SRCAP: variants seen among roughly 807,000 people sequenced by gnomAD.
SRCAP encodes the protein chromatin remodeling protein SRCAP.
Under a neutral mutation model 263.1 loss-of-function variants are expected in SRCAP, and 46 were observed. The ratio of observed to expected loss-of-function variants is 0.17; its 90% CI spans 0.14 to 0.22. The LOEUF is 0.22. Ranked by LOEUF, SRCAP falls within the 10% of genes least tolerant of loss-of-function variation. The probability of loss-of-function intolerance (pLI) is 1.00; values close to 1 mark genes in which losing one functional copy is unlikely to be tolerated. For missense variants in SRCAP, 3,695 were observed against 4,181.9 expected, an observed-to-expected ratio of 0.88 and a Z score of 3.21; for synonymous variants, 1,813 against 1,662.1, an observed-to-expected ratio of 1.09 and a Z score of -2.21.
intron 25 of SRCAP, among the ~76,000 whole-genome samples, chr16:30,726,986 G>A (rs1160563933): frequency 1.3e-5 from 2 of 152,306 alleles, no homozygotes; most frequent in East Asian, 3.9e-4. Flanking sequence ...ATAGACATGA[G>A]CCACTGCACC....
chr16:30,713,073 G>A, intron 14 of SRCAP, 135 bp from the exon 15 acceptor site: 1 of 1,079,542 alleles, frequency 9.3e-7, no homozygotes, highest in East Asian at 2.4e-5. Context: ...TCCTCTTTCT[G>A]TCGCTCCATT....
At chr16:30,712,644 A>G in intron 13 of SRCAP, 35 bp from the exon 14 acceptor site, 2 of 1,613,328 alleles carry the variant, frequency 1.2e-6, no homozygotes, top group Non-Finnish European at 1.7e-6. Context: ...CAGAATTTAC[A>G]TTTCCTTACC....
Position 30,710,744 on chromosome 16 carries a change from T to G in SRCAP, c.1135-10T>G, listed in dbSNP as rs780462593. The stretch of plus-strand genomic sequence containing the variant: ...TTAGACCCTTCCCTTTTTTATCTTT[T>G]GCCATACAGATAAAGCCCCCACCCT... On this transcript the variant is annotated splice_polypyrimidine_tract_variant and intron_variant, in intron 8 of 33. Coordinates refer to ENST00000262518, the MANE Select transcript of SRCAP (RefSeq NM_006662.3). 2 of 1,614,030 alleles carry G rather than the reference T, an allele frequency of 1.2e-6. No individual in the cohort carries two copies. The highest frequency in any genetic ancestry group is 1.7e-6 in the Non-Finnish European group (2 of 1,179,854).
At position 30,734,546 on chromosome 16, in the gene SRCAP, A is replaced by G; in HGVS notation, c.6660A>G (p.Ser2220=). 6.2e-7 allele frequency: 1 copy of G among 1,614,002 alleles called. No homozygotes were observed. The highest frequency in any genetic ancestry group is 8.5e-7 in the Non-Finnish European group (1 of 1,179,994). The change falls in exon 31 of 34, where the codon TCA becomes TCG. Residue 2220 remains serine, a synonymous_variant. Transcript: ENST00000262518. ...FDMPLEEPSS[S]SVPSAPEEEE... The stretch of plus-strand genomic sequence containing the variant: ...TGCCCCTGGAGGAACCTTCTAGCTC[A>G]TCCGTGCCCTCTGCCCCTGAAGAGG...
Position 30,720,713 on chromosome 16 carries a change from G to A in SRCAP, c.2988G>A (p.Arg996=). 6.3e-7 allele frequency: 1 copy of A among 1,586,184 alleles called. No individual in the cohort carries two copies. The highest frequency in any genetic ancestry group is 8.6e-7 in the Non-Finnish European group (1 of 1,164,434). ...RPKPVKMKVN[R]MLQPVPKQEG... The stretch of plus-strand genomic sequence containing the variant: ...CCACTCTCTTAATTTTTTCTCACAG[G>A]ATGCTGCAGCCAGTACCTAAGCAAG... The change falls in exon 20 of 34, where the codon AGG becomes AGA. Residue 996 remains arginine (R), a splice_region_variant and synonymous_variant. Transcript: ENST00000262518.
rs117804715 is a variant in SRCAP at position 30,724,027 on chromosome 16, C to G, written c.4603C>G (p.Pro1535Ala). 7.6e-3 allele frequency: 12,247 copies of G among 1,613,988 alleles called. 65 individuals are homozygous for G. Among genetic ancestry groups the G allele is most frequent in the Middle Eastern group, 0.026 (157 of 6,062 alleles). ...LLLAPTSSHV[P>A]GLNSTVAPAC... ...GTTGGCTCCCACCTCTTCACATGTT[C>G]CAGGGTTGAACTCAACCGTGGCCCC... The change falls in exon 25 of 34, where the codon CCA becomes GCA. Residue 1535 changes from proline to alanine, a missense_variant. By Grantham distance (27) the Pro-to-Ala change is conservative. Coordinates refer to ENST00000262518, the MANE Select transcript of SRCAP (RefSeq NM_006662.3).
At chr16:30,711,182 C>T (rs2052887356) in intron 10 of SRCAP, 94 bp downstream of exon 10, 1 of 921,160 alleles carries the variant, frequency 1.1e-6, no homozygotes, top group East Asian at 2.6e-5. Flanking sequence ...TTTGTATCCA[C>T]CCTGGAGGAA....
At chr16:30,736,163 G>A (rs983309467) in intron 31 of SRCAP, 37 bp from the exon 32 acceptor site, 4 of 1,610,740 alleles carry the variant, frequency 2.5e-6, no homozygotes, top group East Asian at 2.2e-5. Flanking sequence ...AGTACTTGAA[G>A]TCTCATGTTT....
In SRCAP at chr16:30,703,304, G is replaced by A. The variant is rs908953784; in HGVS notation, c.55-760G>A. Among the ~76,000 whole-genome samples, 10 of 149,988 alleles carry A rather than the reference G, an allele frequency of 6.7e-5. No individual in the cohort carries two copies. In the East Asian group the frequency reaches 1.8e-3, roughly 27 times the overall value. On this transcript the variant is annotated intron_variant, in intron 3 of 33. Transcript: ENST00000262518. ...CGCCTCCCAGGTTCAAGCGATTCTC[G>A]TGCCTCAACCTCCTGAGTAGCTGGG...
rs1168183508 is a variant in SRCAP at position 30,707,633 on chromosome 16, G to A, written c.554G>A (p.Arg185Lys). Reference sequence around the variant, plus strand: ...CGGCAGAAAGAGGAACGGGCCCGGAGGGAGGAGCAGGCCAAGCTGCGTCGA... The same window carrying A: ...CGGCAGAAAGAGGAACGGGCCCGGAAGGAGGAGCAGGCCAAGCTGCGTCGA... The part of the protein sequence containing the change: ...EQRQKEERAR[R>K]EEQAKLRRIA... The change falls in exon 6 of 34, where the codon AGG (arginine) becomes AAG (lysine). Residue 185 changes from arginine (R) to lysine (K), a missense_variant. Physicochemically the swap from Arg to Lys is conservative, Grantham distance 26. This residue lies in a region of SRCAP where 107 missense variants were observed against 223.8 expected (regional missense o/e 0.48). Coordinates refer to ENST00000262518, the MANE Select transcript of SRCAP (RefSeq NM_006662.3). The A allele has an allele frequency of 6.2e-7, 1 of 1,614,152 alleles. No individual in the cohort carries two copies. Among genetic ancestry groups the A allele is most frequent in the East Asian group, 2.2e-5 (1 of 44,878 alleles).
rs921985739 is a variant in SRCAP at position 30,740,019 on chromosome 16, A to G, written c.*286A>G. 6.9e-5 allele frequency: 21 copies of G among 303,468 alleles called. No homozygotes were observed. Among genetic ancestry groups the G allele is most frequent in the Middle Eastern group, 9.3e-4 (1 of 1,074 alleles). The allele number at this position is 303,468 out of a possible 1,614,324, so 18.8% of individuals were successfully genotyped here. ...ACTTGATTCCCCAGCTGTCTTTCAC[A>G]CAGCCCCCCACCCTTAGGGGAAGGG... On this transcript the variant is annotated 3_prime_UTR_variant, in exon 34 of 34. Transcript: ENST00000262518.
Position 30,710,734 on chromosome 16 carries a change from T to C in SRCAP, c.1135-20T>C, listed in dbSNP as rs1398453392. 3 of 1,613,492 alleles carry C rather than the reference T, an allele frequency of 1.9e-6. No homozygotes were observed. The highest frequency in any genetic ancestry group is 2.7e-5 in the African/African-American group (2 of 74,922). Reference sequence around the variant, plus strand: ...TACTGTAACCTTAGACCCTTCCCTTTTTTATCTTTTGCCATACAGATAAAG... The same window carrying C: ...TACTGTAACCTTAGACCCTTCCCTTCTTTATCTTTTGCCATACAGATAAAG... On this transcript the variant is annotated intron_variant, in intron 8 of 33. Coordinates refer to ENST00000262518, the MANE Select transcript of SRCAP (RefSeq NM_006662.3).
rs1477975123 is a variant in SRCAP at position 30,720,864 on chromosome 16, G to A, written c.3139G>A (p.Ala1047Thr). Reference sequence around the variant, plus strand: ...TGGCCCAGTCCCCCAAGTGCTGCCAGCATCACTGATGGTTTCAGCCTCACC... The same window carrying A: ...TGGCCCAGTCCCCCAAGTGCTGCCAACATCACTGATGGTTTCAGCCTCACC... The part of the protein sequence containing the change: ...TPGPVPQVLP[A>T]SLMVSASPAG... The change falls in exon 20 of 34, where the codon GCA becomes ACA. Residue 1047 changes from alanine (A) to threonine (T), a missense_variant. Ala to Thr is a moderately conservative substitution (Grantham distance 58, BLOSUM62 0). Coordinates refer to ENST00000262518, the MANE Select transcript of SRCAP (RefSeq NM_006662.3). 1.2e-6 allele frequency: 2 copies of A among 1,614,012 alleles called. No homozygotes were observed. Among genetic ancestry groups the A allele is most frequent in the Admixed American group, 1.7e-5 (1 of 60,006 alleles).
intron 6 of SRCAP, among the ~76,000 whole-genome samples, chr16:30,708,820 A>G (rs1452120862): frequency 1.3e-5 from 2 of 151,532 alleles, no homozygotes; most frequent in Middle Eastern, 3.5e-3. Context: ...GGCTTCACCT[A>G]CCTGTTTTTT....
In SRCAP at chr16:30,713,366, C is replaced by T. The variant is rs1287045128; in HGVS notation, c.2289C>T (p.Leu763=). 1 of 1,614,124 alleles carries T rather than the reference C, an allele frequency of 6.2e-7. No individual in the cohort carries two copies. The highest frequency in any genetic ancestry group is 8.5e-7 in the Non-Finnish European group (1 of 1,180,014). ...AGTCACAGCGCTGGCAGTCACTCCT[C>T]AACTTCAACAGGTGGAGATGGAGAT... The part of the protein sequence containing the change: ...NFKSQRWQSL[L]NFNSQRRLLL... Residue 763 remains leucine, a synonymous_variant, in exon 15 of 34, where the codon CTC becomes CTT. Transcript: ENST00000262518.
intron 24 of SRCAP, 148 bp from the exon 25 acceptor site, chr16:30,723,436 T>C (rs901974808): frequency 1.4e-6 from 2 of 1,465,918 alleles, no homozygotes; most frequent in Non-Finnish European, 1.8e-6. Context: ...AATCTAAAGT[T>C]GTCAGATTAC....
At chr16:30,710,239 A>G in intron 8 of SRCAP, 111 bp downstream of exon 8, 1 of 1,156,636 alleles carries the variant, frequency 8.6e-7, no homozygotes, top group Non-Finnish European at 1.2e-6. Flanking sequence ...TTCTGCTAGT[A>G]ATGGACATTT....
chr16:30,723,315 G>T, intron 24 of SRCAP, 86 bp downstream of exon 24: 1 of 1,507,312 alleles, frequency 6.6e-7, no homozygotes, highest in Non-Finnish European at 8.9e-7. Flanking sequence ...TTTTAGTACA[G>T]GTTTTTTCAT....
Position 30,737,885 on chromosome 16 carries a change from C to T in SRCAP, c.7845C>T (p.Ser2615=). 1 of 1,614,202 alleles carries T rather than the reference C, an allele frequency of 6.2e-7. No homozygotes were observed. Among genetic ancestry groups the T allele is most frequent in the Non-Finnish European group, 8.5e-7 (1 of 1,180,040 alleles). Residue 2615 remains serine (S), a synonymous_variant, in exon 34 of 34, where the codon AGC becomes AGT. Coordinates refer to ENST00000262518, the MANE Select transcript of SRCAP (RefSeq NM_006662.3). The stretch of plus-strand genomic sequence containing the variant: ...CCAGCCTGACCTTGGAGGCTGGCAG[C>T]ATCCCCAATGGTCAAGAGCAGGAGG... The part of the protein sequence containing the change: ...SAPSLTLEAG[S]IPNGQEQEAP...
Sources: allele counts gnomAD v4.1 joint callset (sites outside exome capture counted in the v4.1 genomes callset), GRCh38; gene constraint gnomAD v4.1.1; regional missense constraint gnomAD v4.1.1; transcripts MANE v1.5; gene names NCBI Gene and HGNC (gene_info 2026-07-23, HGNC 2026-07-21).